The following CNTNAP2 variants were observed in gnomAD, a reference collection of about 807,000 sequenced individuals.
CNTNAP2 encodes contactin-associated protein-like 2.
Under a neutral mutation model 155.2 loss-of-function variants are expected in CNTNAP2, and 98 were observed. The observed-to-expected ratio is 0.63, with a 90% CI of 0.54 to 0.75. The LOEUF is 0.75. Ranked by LOEUF, CNTNAP2 falls within the 30% of genes least tolerant of loss-of-function variation. The probability of loss-of-function intolerance (pLI) is 0.00; values close to 1 mark genes in which losing one functional copy is unlikely to be tolerated. For missense variants in CNTNAP2, 1,727 were observed against 1,688.1 expected, an observed-to-expected ratio of 1.02 and a Z score of -0.40; for synonymous variants, 651 against 631.2, an observed-to-expected ratio of 1.03 and a Z score of -0.47.
At chr7:147,086,580 T>G (rs565365017) in intron 4 of CNTNAP2, among the ~76,000 whole-genome samples, 4 of 152,046 alleles carry the variant, frequency 2.6e-5, no homozygotes, top group African/African-American at 7.2e-5. Context: ...AAAACAGGCA[T>G]GCACCACCAT....
At chr7:146,744,966 A>G (rs1801784885) in intron 1 of CNTNAP2, among the ~76,000 whole-genome samples, 1 of 152,212 alleles carries the variant, frequency 6.6e-6, no homozygotes, top group Non-Finnish European at 1.5e-5. Flanking sequence ...TAAAACAATC[A>G]AGTGGTGAAT....
chr7:148,227,752 G>A (rs1795879085), intron 19 of CNTNAP2, among the ~76,000 whole-genome samples: 1 of 152,196 alleles, frequency 6.6e-6, no homozygotes, highest in South Asian at 2.1e-4. Flanking sequence ...AATAGTGAAG[G>A]TTTGTTGAAT....
chr7:147,710,699 G>C (rs1199761167), intron 13 of CNTNAP2, among the ~76,000 whole-genome samples: 1 of 152,042 alleles, frequency 6.6e-6, no homozygotes, highest in Non-Finnish European at 1.5e-5. Flanking sequence ...TAAAAATGTT[G>C]AATGAATATG....
chr7:146,717,394 T>A (rs1044102674), intron 1 of CNTNAP2, among the ~76,000 whole-genome samples: 9 of 147,604 alleles, frequency 6.1e-5, no homozygotes, highest in African/African-American at 2.2e-4. Flanking sequence ...GTGCCTGTAA[T>A]CCCAGCTGCT....
chr7:147,975,051 T>TATAATACAATTTTTTGTATTACGC (rs1346249888), intron 14 of CNTNAP2, among the ~76,000 whole-genome samples: 1 of 151,356 alleles, frequency 6.6e-6, no homozygotes, highest in Non-Finnish European at 1.5e-5. Context: ...TTGTATTACG[T>TATAATACAATTTTTTGTATTACGC]ATAATACAAT....
chr7:147,635,376 G>A (rs561807483), intron 12 of CNTNAP2, among the ~76,000 whole-genome samples: 10 of 151,386 alleles, frequency 6.6e-5, no homozygotes, highest in Non-Finnish European at 1.2e-4. Context: ...CTCCTATCTC[G>A]GCTTCCCAAA....
Position 146,498,372 on chromosome 7 carries a change from T to C in CNTNAP2, c.98-275899T>C, listed in dbSNP as rs150488760. On this transcript the variant is annotated intron_variant, in intron 1 of 23. Transcript: ENST00000361727. ...ACCATAAGCCTGCCCTAATTTATTT[T>C]TGTTTTGTTCTACAGAGCACTCCAT... 6.4e-3 allele frequency among the ~76,000 whole-genome samples: 973 copies of C among 152,270 alleles called. 36 individuals carry two copies. Among genetic ancestry groups the C allele is most frequent in the Admixed American group, 0.058 (885 of 15,280 alleles).
At chr7:146,470,425 A>C (rs368114795) in intron 1 of CNTNAP2, among the ~76,000 whole-genome samples, 6 of 151,978 alleles carry the variant, frequency 3.9e-5, no homozygotes, top group African/African-American at 1.5e-4. Context: ...AGCACATATG[A>C]CTCCCACTAC....
intron 13 of CNTNAP2, among the ~76,000 whole-genome samples, chr7:147,858,333 T>A (rs1799077018): frequency 6.6e-6 from 1 of 152,180 alleles, no homozygotes; most frequent in Admixed American, 6.5e-5. Context: ...GTGATCCGCC[T>A]GCCTCGGCCT....
intron 10 of CNTNAP2, among the ~76,000 whole-genome samples, chr7:147,415,658 T>A (rs1438865085): frequency 6.6e-6 from 1 of 152,152 alleles, no homozygotes; most frequent in East Asian, 1.9e-4. Flanking sequence ...AGGTAGTTTT[T>A]TATAGCAGTA....
chr7:147,965,250 T>G (rs1427500548), intron 14 of CNTNAP2, among the ~76,000 whole-genome samples: 4 of 152,166 alleles, frequency 2.6e-5, no homozygotes, highest in Non-Finnish European at 5.9e-5. Flanking sequence ...TATTCATGAC[T>G]TTTTACTGCC....
chr7:146,698,714 TTCTC>T (rs751786888), intron 1 of CNTNAP2, among the ~76,000 whole-genome samples: 2 of 151,880 alleles, frequency 1.3e-5, no homozygotes, highest in Non-Finnish European at 2.9e-5. Flanking sequence ...TTCTGTTCCT[TTCTC>T]TCTCTCTTTC....
intron 15 of CNTNAP2, among the ~76,000 whole-genome samples, chr7:148,042,989 G>C (rs1219471824): frequency 2.0e-5 from 3 of 152,158 alleles, no homozygotes; most frequent in Non-Finnish European, 4.4e-5. Flanking sequence ...GTCCCATTGA[G>C]AATTATGTGC....
chr7:146,732,454 A>G (rs903161072), intron 1 of CNTNAP2, among the ~76,000 whole-genome samples: 2 of 152,036 alleles, frequency 1.3e-5, no homozygotes, highest in Admixed American at 1.3e-4. Flanking sequence ...TGCTTTTCTC[A>G]GCTCTATTTT....
At chr7:147,630,769 G>T (rs1187422212) in intron 12 of CNTNAP2, among the ~76,000 whole-genome samples, 1 of 152,120 alleles carries the variant, frequency 6.6e-6, no homozygotes, top group Non-Finnish European at 1.5e-5. Context: ...ACAAAGTCCA[G>T]CATCCCTTTA....
intron 3 of CNTNAP2, among the ~76,000 whole-genome samples, chr7:146,898,682 A>G (rs1312943072): frequency 1.3e-5 from 2 of 152,060 alleles, no homozygotes; most frequent in African/African-American, 4.8e-5. Flanking sequence ...CTAATCTCCA[A>G]AGATGGCCTC....
chr7:147,931,688 T>C (rs1192278287), intron 14 of CNTNAP2, among the ~76,000 whole-genome samples: 1 of 152,032 alleles, frequency 6.6e-6, no homozygotes. Context: ...CTTAAGAAGG[T>C]GAAAGACTTG....
chr7:148,179,585 G>C (rs1795000415), intron 18 of CNTNAP2, among the ~76,000 whole-genome samples: 1 of 148,500 alleles, frequency 6.7e-6, no homozygotes, highest in African/African-American at 2.5e-5. Flanking sequence ...CGGGGTGCGG[G>C]GGAGAGAGAG....
chr7:147,039,500 A>G (rs981390532), intron 3 of CNTNAP2, among the ~76,000 whole-genome samples: 1 of 152,214 alleles, frequency 6.6e-6, no homozygotes, highest in Non-Finnish European at 1.5e-5. Flanking sequence ...TTTGCTAAGT[A>G]TAATAGACTC....
Sources: allele counts gnomAD v4.1 joint callset (sites outside exome capture counted in the v4.1 genomes callset), GRCh38; gene constraint gnomAD v4.1.1; transcripts MANE v1.5; gene names NCBI Gene and HGNC (gene_info 2026-07-23, HGNC 2026-07-21).